The following ATXN3 variants were observed in gnomAD, a reference collection of about 807,000 sequenced individuals.
ATXN3 encodes the protein ataxin-3.
A neutral mutation model predicts 58.2 loss-of-function variants in ATXN3; 28 were observed. The ratio of observed to expected loss-of-function variants is 0.48; its 90% CI spans 0.36 to 0.66. ATXN3 has a LOEUF of 0.66. ATXN3 is among the 30% of genes least tolerant of loss of function. The pLI, the probability that ATXN3 is intolerant of heterozygous loss-of-function variation, is 0.00. For missense variants in ATXN3, 321 were observed against 422.1 expected (o/e 0.76, Z 2.10); for synonymous variants, 113 against 138.5 (o/e 0.82, Z 1.29).
At position 92,096,997 on chromosome 14, in the gene ATXN3, A is replaced by T. The variant is rs1239609156; in HGVS notation, c.25-159T>A. 124 of 588,964 alleles carry T rather than the reference A, an allele frequency of 2.1e-4. 1 individual carries two copies. Among genetic ancestry groups the T allele is most frequent in the Admixed American group, 1.2e-3 (40 of 34,190 alleles). The allele number at this position is 588,964 out of a possible 1,614,324, so 36.5% of individuals were successfully genotyped here. A position where few individuals can be genotyped will look rare whatever the true frequency, so the allele number is the denominator to read the frequency against. ...ATCTTGGCTCACTGCAAGCTCCGCC[A>T]CCCGGGTTCATGCCATTCTCCTGCC... On this transcript the variant is annotated intron_variant, in intron 1 of 10. Transcript: ENST00000644486.
At chr14:92,050,922 T>A (rs1021197534), upstream of ATXN3, among the ~76,000 whole-genome samples, 2 of 152,238 alleles carry the variant, frequency 1.3e-5, no homozygotes, top group Admixed American at 6.5e-5. Context: ...CCAGTTCATC[T>A]GTTCTGAGAA....
At chr14:92,074,379 G>C (rs1407211678) in intron 9 of ATXN3, among the ~76,000 whole-genome samples, 1 of 152,150 alleles carries the variant, frequency 6.6e-6, no homozygotes, top group African/African-American at 2.4e-5. Flanking sequence ...CCTCCACTTT[G>C]GTTGTTCTCT....
At chr14:92,105,033 T>G (rs2067917666) in intron 1 of ATXN3, among the ~76,000 whole-genome samples, 1 of 152,112 alleles carries the variant, frequency 6.6e-6, no homozygotes, top group South Asian at 2.1e-4. Context: ...GTCAAAAAAT[T>G]AGTGACAACT....
downstream of ATXN3, among the ~76,000 whole-genome samples, chr14:92,056,838 G>A (rs1026399122): frequency 1.3e-4 from 20 of 152,236 alleles, no homozygotes; most frequent in African/African-American, 4.3e-4. Context: ...GGTAAAATGA[G>A]GCCAAGACCT....
At chr14:92,072,487 T>A (rs2059604802) in intron 9 of ATXN3, among the ~76,000 whole-genome samples, 1 of 152,150 alleles carries the variant, frequency 6.6e-6, no homozygotes, top group African/African-American at 2.4e-5. Context: ...CACTTCAGAT[T>A]TGAAATTTTG....
intron 1 of ATXN3, among the ~76,000 whole-genome samples, chr14:92,098,219 C>A (rs964946044): frequency 6.6e-6 from 1 of 152,144 alleles, no homozygotes; most frequent in Admixed American, 6.5e-5. Context: ...GATCTTCCTG[C>A]CTCAGCCTCC....
chr14:92,067,985 AC>A (rs1353841583), intron 10 of ATXN3, among the ~76,000 whole-genome samples: 3 of 152,116 alleles, frequency 2.0e-5, no homozygotes, highest in African/African-American at 7.2e-5. Flanking sequence ...GTGCCTTGTT[AC>A]TGATCTCCAC....
chr14:92,047,160 T>C (rs1232894051), intron 2 of ATXN3, among the ~76,000 whole-genome samples: 1 of 152,074 alleles, frequency 6.6e-6, no homozygotes, highest in Admixed American at 6.6e-5. Flanking sequence ...GAGGCTGGGA[T>C]GAGTGGTGTA....
At chr14:92,046,534 C>T (rs559100823) in intron 2 of ATXN3, among the ~76,000 whole-genome samples, 1 of 152,286 alleles carries the variant, frequency 6.6e-6, no homozygotes, top group Non-Finnish European at 1.5e-5. Flanking sequence ...CTGCACAGCC[C>T]TGCATTTCAG....
intron 10 of ATXN3, among the ~76,000 whole-genome samples, chr14:92,068,806 T>C (rs2058896973): frequency 6.6e-6 from 1 of 152,074 alleles, no homozygotes; most frequent in Non-Finnish European, 1.5e-5. Context: ...GTCAGACCGG[T>C]CTTGAACTCC....
intron 7 of ATXN3, 147 bp downstream of exon 7, chr14:92,082,979 A>G: frequency 1.0e-6 from 1 of 976,988 alleles, no homozygotes; most frequent in Non-Finnish European, 1.5e-6. Flanking sequence ...AGTTGATTCA[A>G]GTTTAAACTA....
Position 92,059,537 on chromosome 14 carries a change from A to C in ATXN3, c.*4783T>G, listed in dbSNP as rs770993613. 2.6e-5 allele frequency: 4 copies of C among 152,266 alleles called. No individual in the cohort carries two copies. Among genetic ancestry groups the C allele is most frequent in the Non-Finnish European group, 4.4e-5 (3 of 68,112 alleles). The allele number at this position is 152,266 out of a possible 1,614,324, so 9.4% of individuals were successfully genotyped here. On this transcript the variant is annotated 3_prime_UTR_variant, in exon 11 of 11. Transcript: ENST00000644486. Reference sequence around the variant, plus strand: ...CAATTCACTTTGAAAACAGTGGCCCAAGGCCGGGTGTGGTGGCCTGCACCT... The same window carrying C: ...CAATTCACTTTGAAAACAGTGGCCCCAGGCCGGGTGTGGTGGCCTGCACCT...
rs35141835 is a variant in ATXN3, at chr14:92,060,734, ATTTTTT to A, written c.*3580_*3585del. On this transcript the variant is annotated 3_prime_UTR_variant, in exon 11 of 11. Coordinates refer to ENST00000644486, the MANE Select transcript of ATXN3 (RefSeq NM_004993.6). ...TTTAGTAGCTCTTGGCACTAGCATG[ATTTTTT>A]TTTTTTTTTTGAGACAGAGTCTCAC... 1 of 138,624 alleles carries A rather than the reference ATTTTTT, an allele frequency of 7.2e-6. No individual in the cohort carries two copies. The highest frequency in any genetic ancestry group is 1.6e-5 in the Non-Finnish European group (1 of 64,468). 8.6% of individuals were successfully genotyped at this position (138,624 alleles called of 1,614,324 possible).
chr14:92,091,032 G>A (rs142538026), intron 5 of ATXN3, among the ~76,000 whole-genome samples: 2,984 of 139,250 alleles, frequency 0.021, 110 homozygotes, highest in African/African-American at 0.077. Context: ...TGATCTCCCT[G>A]CCTCAGCCTC....
chr14:92,059,316 T>A lies in ATXN3; in HGVS notation c.*5004A>T, dbSNP rs1413065703. 1 of 152,038 alleles carries A rather than the reference T, an allele frequency of 6.6e-6. No individual in the cohort carries two copies. The highest frequency in any genetic ancestry group is 2.4e-5 in the African/African-American group (1 of 41,398). The allele number at this position is 152,038 out of a possible 1,614,324, so 9.4% of individuals were successfully genotyped here. On this transcript the variant is annotated 3_prime_UTR_variant, in exon 11 of 11. Coordinates refer to ENST00000644486, the MANE Select transcript of ATXN3 (RefSeq NM_004993.6). ...AAAATATTTTTATTATGTTTAAGAC[T>A]AAAAAAATACAAAGCCAGGTCATTT...
intron 2 of ATXN3, chr14:92,046,206 G>A (rs2057426962): frequency 6.6e-6 from 1 of 152,274 alleles, no homozygotes; most frequent in East Asian, 1.9e-4. Context: ...CTTGCTGAGA[G>A]GTAGTGGAGG....
rs369491189 is a variant in ATXN3, at chr14:92,104,387, G to T, written c.24+2142C>A. On this transcript the variant is annotated intron_variant, in intron 1 of 10. Coordinates refer to ENST00000644486, the MANE Select transcript of ATXN3 (RefSeq NM_004993.6). Reference sequence around the variant, plus strand: ...AAACTACTGACCTCATGATCCGCCCGTCTGGGCCTCCCAAAGCACTGGTGT... The same window carrying T: ...AAACTACTGACCTCATGATCCGCCCTTCTGGGCCTCCCAAAGCACTGGTGT... 3.9e-5 allele frequency among the ~76,000 whole-genome samples: 6 copies of T among 152,148 alleles called. No homozygotes were observed. The East Asian group carries it at 9.8e-4, about 25-fold the overall frequency.
chr14:92,052,489 CAAAGAA>C (rs1166618247), upstream of ATXN3, among the ~76,000 whole-genome samples: 2 of 147,970 alleles, frequency 1.4e-5, no homozygotes, highest in Non-Finnish European at 3.0e-5. Context: ...AACTCCATCT[CAAAGAA>C]AAAAAAAAAA....
At position 92,096,403 on chromosome 14, in the gene ATXN3, T is replaced by A. The variant is rs1324445381; in HGVS notation, c.190-266A>T. 9 of 1,068,152 alleles carry A rather than the reference T, an allele frequency of 8.4e-6. No homozygotes were observed. In the East Asian group the frequency reaches 2.4e-4, roughly 28 times the overall value. The allele number at this position is 1,068,152 out of a possible 1,614,324, so 66.2% of individuals were successfully genotyped here. ...ACTTTGGGAGGCCAAGACAGGTGGA[T>A]CATAAGGTCAGGAGTTTGAGACCAA... On this transcript the variant is annotated intron_variant, in intron 2 of 10. Transcript: ENST00000644486.
Sources: gnomAD v4.1 joint callset for allele counts (sites outside exome capture counted in the v4.1 genomes callset) on GRCh38, gnomAD v4.1.1 for gene constraint, MANE v1.5 for transcripts, NCBI Gene and HGNC (gene_info 2026-07-23, HGNC 2026-07-21) for gene names.